Variants in ABCA12 observed in about 807,000 individuals in gnomAD.
ABCA12 encodes the protein glucosylceramide transporter ABCA12.
A neutral mutation model predicts 293.5 loss-of-function variants in ABCA12; 156 were observed. The observed-to-expected ratio is 0.53, with a 90% CI of 0.47 to 0.61. The LOEUF (loss-of-function observed/expected upper bound fraction) is 0.61, where lower values mean the gene tolerates loss of function less well. ABCA12 is among the 20% of genes least tolerant of loss of function. The probability of loss-of-function intolerance (pLI) is 0.00; values close to 1 mark genes in which losing one functional copy is unlikely to be tolerated. For synonymous variants in ABCA12, 1,063 were observed against 1,108.0 expected, an observed-to-expected ratio of 0.96 and a Z score of 0.81; for missense variants, 2,797 against 3,090.2, an observed-to-expected ratio of 0.91 and a Z score of 2.25.
At chr2:215,103,940 T>C (rs1702410677) in intron 2 of ABCA12, among the ~76,000 whole-genome samples, 1 of 152,060 alleles carries the variant, frequency 6.6e-6, no homozygotes, top group African/African-American at 2.4e-5. Flanking sequence ...TGAGCCGAGA[T>C]TGCGCTACTG....
At chr2:215,033,953 T>A (rs1377563112) in intron 8 of ABCA12, among the ~76,000 whole-genome samples, 18 of 151,418 alleles carry the variant, frequency 1.2e-4, no homozygotes, top group Admixed American at 5.3e-4. Flanking sequence ...AAAATAAAAA[T>A]AAAAATAAAA....
intron 1 of ABCA12, 89 bp from the exon 2 acceptor site, chr2:215,111,779 A>G (rs1273035859): frequency 2.2e-6 from 2 of 898,370 alleles, no homozygotes; most frequent in Non-Finnish European, 3.6e-6. Flanking sequence ...TCATACTATA[A>G]TATTTCAACA....
At chr2:215,053,381 T>C (rs76307506) in intron 4 of ABCA12, among the ~76,000 whole-genome samples, 9,056 of 152,224 alleles carry the variant, frequency 0.059, 897 homozygotes, top group African/African-American at 0.2. Context: ...GCTTTATTTT[T>C]GTGCCCACAG....
chr2:215,040,870 T>C (rs1559161994), intron 7 of ABCA12, among the ~76,000 whole-genome samples: 1 of 152,074 alleles, frequency 6.6e-6, no homozygotes, highest in Non-Finnish European at 1.5e-5. Context: ...CTTTTTTTAT[T>C]TCTTCTACAA....
chr2:215,001,511 A>C (rs748370544), intron 21 of ABCA12, 47 bp downstream of exon 21: 1 of 1,612,516 alleles, frequency 6.2e-7, no homozygotes, highest in Non-Finnish European at 8.5e-7. Context: ...GAATTTGGCC[A>C]ATTTTAGCAC....
intron 2 of ABCA12, among the ~76,000 whole-genome samples, chr2:215,079,023 C>T (rs1443318128): frequency 1.3e-5 from 2 of 152,138 alleles, no homozygotes; most frequent in Non-Finnish European, 2.9e-5. Context: ...CTTTTTTATG[C>T]ATATTTAGTG....
In ABCA12 at chr2:215,105,366, T is replaced by C. The variant is rs914847846; in HGVS notation, c.163+6231A>G. 4.6e-5 allele frequency among the ~76,000 whole-genome samples: 7 copies of C among 151,704 alleles called. 1 individual carries two copies. Among genetic ancestry groups the C allele is most frequent in the African/African-American group, 1.7e-4 (7 of 41,252 alleles). ...AAAAGGACATGCATCAACGTGGGAG[T>C]GAGAATGAGACGTGTGGAGGACATT... On this transcript the variant is annotated intron_variant, in intron 2 of 52. Coordinates refer to ENST00000272895, the MANE Select transcript of ABCA12 (RefSeq NM_173076.3).
intron 2 of ABCA12, among the ~76,000 whole-genome samples, chr2:215,104,425 G>T (rs1188581009): frequency 1.3e-5 from 2 of 152,208 alleles, no homozygotes; most frequent in African/African-American, 2.4e-5. Flanking sequence ...GTCAGGCCAG[G>T]AGCTGGGGGA....
Position 215,049,492 on chromosome 2 carries a change from T to A in ABCA12, c.693+134A>T, listed in dbSNP as rs1028935948. 15 of 870,746 alleles carry A rather than the reference T, an allele frequency of 1.7e-5. No homozygotes were observed. The East Asian group carries it at 3.7e-4, about 21-fold the overall frequency. The allele number at this position is 870,746 out of a possible 1,614,324, so 53.9% of individuals were successfully genotyped here. A position where few individuals can be genotyped will look rare whatever the true frequency, so the allele number is the denominator to read the frequency against. ...ATACTACTTAAGATTAAACTTTGTG[T>A]GCAAATGTCTATGTGAGGAAAACAT... On this transcript the variant is annotated intron_variant, in intron 6 of 52. Coordinates refer to ENST00000272895, the MANE Select transcript of ABCA12 (RefSeq NM_173076.3).
intron 11 of ABCA12, 63 bp downstream of exon 11, chr2:215,025,610 T>TG (rs1700721978): frequency 1.8e-6 from 2 of 1,114,460 alleles, no homozygotes; most frequent in Non-Finnish European, 2.6e-6. Context: ...GTTTTTTTTT[T>TG]GTTTGTTTTG....
At chr2:214,953,099 A>G (rs1024710920) in intron 44 of ABCA12, among the ~76,000 whole-genome samples, 9 of 152,220 alleles carry the variant, frequency 5.9e-5, no homozygotes, top group African/African-American at 2.2e-4. Context: ...TTTAACTTGA[A>G]TGGCAATATA....
chr2:215,025,682 T>C lies in ABCA12; in HGVS notation c.1278A>G (p.Leu426=), dbSNP rs1393030118. 1.2e-6 allele frequency: 2 copies of C among 1,602,658 alleles called. No individual in the cohort carries two copies. The highest frequency in any genetic ancestry group is 2.7e-5 in the African/African-American group (2 of 74,338). Residue 426 remains leucine, a synonymous_variant, in exon 11 of 53, where the codon CTA becomes CTG. Transcript: ENST00000272895. ...TACTTTCATGGCTTACTTTTGATTT[T>C]AGGACTTCAGGAACTGGAGGAAAGT... The part of the protein sequence containing the change: ...EDYFPPVPEV[L]KSKLSQLRNL...
intron 42 of ABCA12, among the ~76,000 whole-genome samples, chr2:214,956,325 CAA>C (rs200331899): frequency 0.015 from 2,259 of 152,110 alleles, 65 homozygotes; most frequent in African/African-American, 0.05. Flanking sequence ...CTCATATAGT[CAA>C]TACATAAATT....
At chr2:214,988,469 T>C (rs1017031956) in intron 26 of ABCA12, among the ~76,000 whole-genome samples, 2 of 152,236 alleles carry the variant, frequency 1.3e-5, no homozygotes, top group African/African-American at 4.8e-5. Flanking sequence ...CTTCTGTCTC[T>C]ATCTGTCTTT....
In ABCA12 at chr2:215,004,273, T is replaced by G; in HGVS notation, c.2619A>C (p.Gln873His). The G allele has an allele frequency of 4.3e-6, 7 of 1,613,662 alleles. No homozygotes were observed. The highest frequency in any genetic ancestry group is 5.9e-6 in the Non-Finnish European group (7 of 1,179,892). ...LQNTLRNPFV[Q>H]VFVKFSVGLD... The stretch of plus-strand genomic sequence containing the variant: ...GTCCCACGGAGAACTTTACAAAAAC[T>G]TGCACAAAAGGGTTCCTTAGAGTAT... The change falls in exon 20 of 53, where the codon CAA becomes CAC. Residue 873 changes from glutamine (Q) to histidine (H), a missense_variant. Gln to His is a conservative substitution (Grantham distance 24). Around this residue, in one of 3 missense-constraint regions of ABCA12, gnomAD observed 2,130 missense variants for 2,427.0 expected, o/e 0.88. Coordinates refer to ENST00000272895, the MANE Select transcript of ABCA12 (RefSeq NM_173076.3).
chr2:215,126,889 TC>T (rs903122876), intron 1 of ABCA12, among the ~76,000 whole-genome samples: 9 of 152,170 alleles, frequency 5.9e-5, no homozygotes, highest in Non-Finnish European at 8.8e-5. Context: ...CCTTAGAGTG[TC>T]AATTTGTGCT....
intron 7 of ABCA12, among the ~76,000 whole-genome samples, chr2:215,041,497 A>C (rs2106043128): frequency 6.6e-6 from 1 of 151,196 alleles, no homozygotes; most frequent in South Asian, 2.1e-4. Context: ...GGTTGCAGTG[A>C]GCCAAGATCG....
intron 45 of ABCA12, among the ~76,000 whole-genome samples, chr2:214,949,401 C>G (rs1297003403): frequency 1.3e-5 from 2 of 151,526 alleles, no homozygotes; most frequent in East Asian, 3.9e-4. Flanking sequence ...CACACACACA[C>G]ACAGGACCTA....
At chr2:215,009,393 A>G (rs1700323795) in intron 18 of ABCA12, among the ~76,000 whole-genome samples, 2 of 152,202 alleles carry the variant, frequency 1.3e-5, no homozygotes, top group Non-Finnish European at 2.9e-5. Context: ...TAATCTGTAC[A>G]GCAAACCCCC....
Sources: allele counts gnomAD v4.1 joint callset (sites outside exome capture counted in the v4.1 genomes callset), GRCh38; gene constraint gnomAD v4.1.1; regional missense constraint gnomAD v4.1.1; transcripts MANE v1.5; gene names NCBI Gene and HGNC (gene_info 2026-07-23, HGNC 2026-07-21).